The following GNL3L variants were observed in gnomAD, a reference collection of about 807,000 sequenced individuals.
GNL3L encodes the protein G protein nucleolar 3 like.
Under a neutral mutation model 42.9 loss-of-function variants are expected in GNL3L, and 4 were observed. That is an observed-to-expected ratio of 0.09 (90% CI 0.05 to 0.21). GNL3L has a LOEUF of 0.21. GNL3L is among the 10% of genes least tolerant of loss of function. GNL3L has a pLI of 1.00. For synonymous variants in GNL3L, 159 were observed against 176.3 expected (o/e 0.90, Z 0.78); for missense variants, 412 against 481.7 (o/e 0.86, Z 1.36).
chrX:54,570,194 T>A (rs1925523457), downstream of GNL3L, among the ~76,000 whole-genome samples: 1 of 112,057 alleles, frequency 8.9e-6, no homozygotes, highest in South Asian at 3.7e-4. Flanking sequence ...TGTTATTTTT[T>A]GTAGTTGTAT....
chrX:54,619,859 T>A (rs1009377416), intron 16 of GNL3L, among the ~76,000 whole-genome samples: 1 of 111,922 alleles, frequency 8.9e-6, no homozygotes, highest in African/African-American at 3.2e-5. Context: ...AACCAGGCAC[T>A]GGTACAAAGA....
intron 16 of GNL3L, among the ~76,000 whole-genome samples, chrX:54,615,108 C>T (rs181460414): frequency 1.5e-4 from 17 of 112,221 alleles, no homozygotes; most frequent in African/African-American, 5.2e-4. Context: ...AACTACCAAT[C>T]TACATTCTTT....
chrX:54,573,281 C>G (rs1415017334), intron 16 of GNL3L, among the ~76,000 whole-genome samples: 5 of 111,650 alleles, frequency 4.5e-5, no homozygotes, highest in African/African-American at 1.3e-4. Flanking sequence ...AACCAGACTC[C>G]GTCTGCAATC....
At chrX:54,539,856 T>TA (rs1295499362) in intron 3 of GNL3L, among the ~76,000 whole-genome samples, 1 of 111,867 alleles carries the variant, frequency 8.9e-6, no homozygotes, top group Admixed American at 9.5e-5. Context: ...TGCCTAGCTA[T>TA]AGGAGAGAGG....
chrX:54,580,862 C>T (rs1278486414), intron 16 of GNL3L, among the ~76,000 whole-genome samples: 1 of 112,324 alleles, frequency 8.9e-6, no homozygotes, highest in East Asian at 2.8e-4. Flanking sequence ...CTCACTGCAA[C>T]CTCTGCCTCC....
At chrX:54,612,835 G>C (rs758698836) in intron 16 of GNL3L, among the ~76,000 whole-genome samples, 5 of 111,564 alleles carry the variant, frequency 4.5e-5, no homozygotes, top group African/African-American at 6.5e-5. Flanking sequence ...AGGTTACCTG[G>C]TGCTTTTGTC....
chrX:54,630,701 T>TTCCTTCCTTCCTTC, the GNL3L span, among the ~76,000 whole-genome samples: 470 of 20,586 alleles, frequency 0.023, 15 homozygotes, highest in Non-Finnish European at 0.023. Flanking sequence ...TTCCTTCCTT[T>TTCCTTCCTTCCTTC]CTTTCTTTTT....
intron 15 of GNL3L, 21 bp from the exon 16 acceptor site, chrX:54,560,499 C>G (rs760142663): frequency 2.0e-6 from 2 of 1,021,510 alleles, no homozygotes; most frequent in Admixed American, 4.4e-5. Flanking sequence ...CAAAAGATTG[C>G]CTGTATTTCT....
intron 16 of GNL3L, among the ~76,000 whole-genome samples, chrX:54,602,207 T>A (rs1026581595): frequency 2.7e-5 from 3 of 111,982 alleles, no homozygotes; most frequent in African/African-American, 9.7e-5. Context: ...TCAGCAAGGT[T>A]TGAGAATTCT....
In GNL3L at chrX:54,562,577, C is replaced by A. The variant is rs1925300629; in HGVS notation, c.*1975C>A. 9.0e-6 allele frequency among the ~76,000 whole-genome samples: 1 copy of A among 110,700 alleles called. No individual in the cohort carries two copies. The highest frequency in any genetic ancestry group is 3.3e-5 in the African/African-American group (1 of 30,371). On this transcript the variant is annotated 3_prime_UTR_variant, in exon 16 of 16. Transcript: ENST00000360845. ...CTGGAGACCCATTACCACCGTTAAC[C>A]CTCAATACAGCTCTGCTAGTAAGGG...
chrX:54,620,677 T>A (rs945304101), intron 16 of GNL3L, among the ~76,000 whole-genome samples: 1 of 112,033 alleles, frequency 8.9e-6, no homozygotes, highest in African/African-American at 3.2e-5. Flanking sequence ...CTGGATCATA[T>A]GGTAGCTCTA....
At chrX:54,616,665 C>T (rs757078646) in intron 16 of GNL3L, among the ~76,000 whole-genome samples, 1 of 111,979 alleles carries the variant, frequency 8.9e-6, no homozygotes, top group East Asian at 2.8e-4. Flanking sequence ...TTGTTGTAGA[C>T]AGCCTTACAC....
the GNL3L span, among the ~76,000 whole-genome samples, chrX:54,639,096 T>C: frequency 7.2e-5 from 8 of 111,350 alleles, no homozygotes; most frequent in Admixed American, 1.9e-4. Flanking sequence ...ATAGGATATA[T>C]ACCTTTAAAA....
At chrX:54,571,367 T>C (rs1342451264), downstream of GNL3L, among the ~76,000 whole-genome samples, 1 of 109,339 alleles carries the variant, frequency 9.1e-6, no homozygotes, top group Non-Finnish European at 1.9e-5. Flanking sequence ...CTAATGTTTT[T>C]ATATTTTTTA....
intron 2 of GNL3L, 51 bp from the exon 3 acceptor site, chrX:54,538,989 A>G (rs756584767): frequency 1.3e-6 from 1 of 761,008 alleles, no homozygotes; most frequent in African/African-American, 2.1e-5. Flanking sequence ...ATGTCAACAA[A>G]TATCGTGTAG....
At chrX:54,600,206 CTTTTTTTTTTTTTTTTTTTT>C (rs1172527598) in intron 16 of GNL3L, among the ~76,000 whole-genome samples, 81 of 13,404 alleles carry the variant, frequency 6.0e-3, no homozygotes, top group Middle Eastern at 0.091. Context: ...CAATCTGCTG[CTTTTTTTTTTTTTTTTTTTT>C]TTTTTTTTTT....
At chrX:54,607,057 T>C (rs1926086335) in intron 16 of GNL3L, among the ~76,000 whole-genome samples, 1 of 60,295 alleles carries the variant, frequency 1.7e-5, no homozygotes, top group African/African-American at 9.3e-5. Flanking sequence ...TCTTTCTTTC[T>C]TTCTTTCTTT....
chrX:54,624,574 A>T (rs1414252029), downstream of GNL3L, among the ~76,000 whole-genome samples: 1 of 107,553 alleles, frequency 9.3e-6, no homozygotes, highest in Non-Finnish European at 1.9e-5. Flanking sequence ...AGTAGCTGGG[A>T]TTACAGGCAC....
At chrX:54,542,201 C>T (rs958945848) in intron 5 of GNL3L, among the ~76,000 whole-genome samples, 6 of 110,632 alleles carry the variant, frequency 5.4e-5, no homozygotes, top group African/African-American at 2.0e-4. Flanking sequence ...CACCCATTAA[C>T]TTGTCATTTA....
Sources: gnomAD v4.1 joint callset for allele counts (sites outside exome capture counted in the v4.1 genomes callset) on GRCh38, gnomAD v4.1.1 for gene constraint, MANE v1.5 for transcripts, NCBI Gene and HGNC (gene_info 2026-07-23, HGNC 2026-07-21) for gene names.